The following ANKS3 variants were observed in gnomAD, a reference collection of about 807,000 sequenced individuals.
ANKS3 encodes the protein ankyrin repeat and sterile alpha motif domain containing 3.
ANKS3 carries 62 observed loss-of-function variants against 80.7 expected under a neutral mutation model. The observed-to-expected ratio is 0.77, with a 90% CI of 0.63 to 0.95. The LOEUF (loss-of-function observed/expected upper bound fraction) is 0.95, where lower values mean the gene tolerates loss of function less well. ANKS3 is among the 40% of genes least tolerant of loss of function. The probability of loss-of-function intolerance (pLI) is 0.00; values close to 1 mark genes in which losing one functional copy is unlikely to be tolerated. For missense variants in ANKS3, 1,150 were observed against 883.6 expected (o/e 1.30, Z -3.82); for synonymous variants, 489 against 355.3 (o/e 1.38, Z -4.23).
In ANKS3 at chr16:4,700,589, G is replaced by A. The variant is rs376607849; in HGVS notation, c.1284+381C>T. 1.4e-4 allele frequency: 50 copies of A among 366,828 alleles called. No homozygotes were observed. In the Admixed American group the frequency reaches 1.7e-3, roughly 13 times the overall value. The allele number at this position is 366,828 out of a possible 1,614,324, so 22.7% of individuals were successfully genotyped here. On this transcript the variant is annotated intron_variant, in intron 11 of 17. Transcript: ENST00000304283. ...GTCAGAGGGACCACAGAAAGGAGGA[G>A]GATGGTGGCAGCTGTAACCATCACC...
At chr16:4,731,286 TTA>T (rs1265692123) in intron 2 of ANKS3, among the ~76,000 whole-genome samples, 1 of 152,120 alleles carries the variant, frequency 6.6e-6, no homozygotes, top group East Asian at 1.9e-4. Flanking sequence ...TATGTAAATT[TTA>T]TTTATTTTTT....
chr16:4,730,002 C>T lies in ANKS3; in HGVS notation c.148G>A (p.Val50Met). The change falls in exon 3 of 18, where the codon GTG (valine) becomes ATG (methionine). Residue 50 changes from valine to methionine, a missense_variant. Coordinates refer to ENST00000304283, the MANE Select transcript of ANKS3 (RefSeq NM_133450.4). ...TACCGCTGCACACACTCCTTCACCA[C>T]TTCATACTGGCCAATGGAAGCAGCT... Reference protein sequence around the residue: ...HTAASIGQYEVVKECVQRREL... With the variant: ...HTAASIGQYEMVKECVQRREL... 4 of 1,550,808 alleles carry T rather than the reference C, an allele frequency of 2.6e-6. No homozygotes were observed. The highest frequency in any genetic ancestry group is 3.5e-6 in the Non-Finnish European group (4 of 1,141,720).
rs770842141 is a variant in ANKS3 at position 4,730,863 on chromosome 16, CA to C, written c.-3+648del. On this transcript the variant is annotated intron_variant, in intron 2 of 17. Transcript: ENST00000304283. ...CAAGACTTTGTCTCCAAAAACAAAA[CA>C]AAAAAAAAAAACAACAAAAAAGCAG... Among the ~76,000 whole-genome samples, 1,082 of 144,010 alleles carry C rather than the reference CA, an allele frequency of 7.5e-3. 17 individuals are homozygous for C. The highest frequency in any genetic ancestry group is 0.026 in the African/African-American group (1,009 of 38,790). The allele number at this position is 144,010 out of a possible 152,430, so 94.5% of individuals were successfully genotyped here. A position where few individuals can be genotyped will look rare whatever the true frequency, so the allele number is the denominator to read the frequency against.
At chr16:4,722,721 C>G (rs995112259) in intron 6 of ANKS3, among the ~76,000 whole-genome samples, 6 of 151,734 alleles carry the variant, frequency 4.0e-5, no homozygotes, top group Non-Finnish European at 5.9e-5. Flanking sequence ...AGTTCAAGAG[C>G]AGCCTGGGCA....
intron 6 of ANKS3, among the ~76,000 whole-genome samples, chr16:4,716,360 C>CAAAAAAA (rs1162795772): frequency 2.0e-5 from 1 of 48,826 alleles, no homozygotes. Flanking sequence ...GACTCCAACT[C>CAAAAAAA]AAAAAAAAAA....
At chr16:4,730,373 G>A (rs1226016793) in intron 2 of ANKS3, 7 of 386,866 alleles carry the variant, frequency 1.8e-5, no homozygotes, top group Non-Finnish European at 3.2e-5. Context: ...CCAGTAAAGA[G>A]GAGCACATAT....
In ANKS3 at chr16:4,696,869, G is replaced by T; in HGVS notation, c.*39C>A. 1.4e-6 allele frequency: 1 copy of T among 740,644 alleles called. No individual in the cohort carries two copies. Among genetic ancestry groups the T allele is most frequent in the Non-Finnish European group, 2.3e-6 (1 of 440,082 alleles). The allele number at this position is 740,644 out of a possible 1,614,324, so 45.9% of individuals were successfully genotyped here. A position where few individuals can be genotyped will look rare whatever the true frequency, so the allele number is the denominator to read the frequency against. ...CCTCACTCCCTGGCACACAGCTTCA[G>T]GGTGGACCAATCACCCAACGTCAGA... On this transcript the variant is annotated 3_prime_UTR_variant, in exon 18 of 18. Coordinates refer to ENST00000304283, the MANE Select transcript of ANKS3 (RefSeq NM_133450.4).
At position 4,705,272 on chromosome 16, in the gene ANKS3, A is replaced by T. The variant is rs2080123183; in HGVS notation, c.710-19T>A. 6.2e-7 allele frequency: 1 copy of T among 1,613,040 alleles called. No individual in the cohort carries two copies. The highest frequency in any genetic ancestry group is 8.5e-7 in the Non-Finnish European group (1 of 1,179,546). On this transcript the variant is annotated intron_variant, in intron 7 of 17. Coordinates refer to ENST00000304283, the MANE Select transcript of ANKS3 (RefSeq NM_133450.4). ...TACTTTTCTGTGATCAAACACCAAG[A>T]TTAAGATAGTGTGTTCAGTAATGGA...
In ANKS3 at chr16:4,730,527, G is replaced by C. The variant is rs990208971; in HGVS notation, c.-2-376C>G. 2.0e-5 allele frequency among the ~76,000 whole-genome samples: 3 copies of C among 152,146 alleles called. No individual in the cohort carries two copies. In the South Asian group the frequency reaches 6.2e-4, roughly 31 times the overall value. On this transcript the variant is annotated intron_variant, in intron 2 of 17. Transcript: ENST00000304283. ...CTAATTGGGTTGTTTAACCCAATCA[G>C]TTCCTTGATGTGGTGGGGAAGAACC... is the stretch of plus-strand genomic sequence containing the variant.
chr16:4,698,381 G>A (rs768697604), intron 14 of ANKS3, 46 bp downstream of exon 14: 14 of 1,441,232 alleles, frequency 9.7e-6, no homozygotes, highest in Middle Eastern at 2.0e-4. Context: ...GGGGCCAGGT[G>A]GCTGACCACT....
intron 4 of ANKS3, 40 bp from the exon 5 acceptor site, chr16:4,726,820 C>G (rs2081377391): frequency 6.2e-7 from 1 of 1,604,900 alleles, no homozygotes; most frequent in Non-Finnish European, 8.5e-7. Context: ...GCCTCATCTC[C>G]TCTGCGTGGG....
intron 7 of ANKS3, among the ~76,000 whole-genome samples, chr16:4,709,266 C>T (rs1415805469): frequency 3.3e-5 from 5 of 151,246 alleles, no homozygotes; most frequent in Middle Eastern, 3.2e-3. Flanking sequence ...ATTAGCCAGA[C>T]GTGGTGGCAC....
intron 11 of ANKS3, chr16:4,700,533 G>A (rs1043781159): frequency 3.0e-6 from 1 of 333,094 alleles, no homozygotes; most frequent in Non-Finnish European, 5.9e-6. Flanking sequence ...TGAGCTGTGA[G>A]TCACACCTCT....
intron 3 of ANKS3, among the ~76,000 whole-genome samples, chr16:4,729,149 C>G (rs2081500650): frequency 6.6e-6 from 1 of 152,188 alleles, no homozygotes; most frequent in South Asian, 2.1e-4. Flanking sequence ...GGGCAAGACG[C>G]AGCCATGGAC....
chr16:4,699,172 A>T lies in ANKS3; in HGVS notation c.1289T>A (p.Leu430His). 2 of 1,613,986 alleles carry T rather than the reference A, an allele frequency of 1.2e-6. No individual in the cohort carries two copies. Among genetic ancestry groups the T allele is most frequent in the Non-Finnish European group, 1.7e-6 (2 of 1,179,994 alleles). The change falls in exon 12 of 18, where the codon CTT becomes CAT. Residue 430 changes from leucine to histidine, a missense_variant. By Grantham distance (99) the Leu-to-His change is moderately conservative (BLOSUM62 -3). Coordinates refer to ENST00000304283, the MANE Select transcript of ANKS3 (RefSeq NM_133450.4). ...CCCGATCTGCTCCAGCAGTGCGGCA[A>T]GGTCCTGGCAGGCACAGGGGACAGG... ...QRAPYSGPQD[L>H]AALLEQIGCL...
chr16:4,696,851 C>T lies in ANKS3; in HGVS notation c.*57G>A. 1.5e-6 allele frequency: 1 copy of T among 684,886 alleles called. No homozygotes were observed. Among genetic ancestry groups the T allele is most frequent in the Non-Finnish European group, 2.5e-6 (1 of 396,884 alleles). 42.4% of individuals were successfully genotyped at this position (684,886 alleles called of 1,614,324 possible). A position where few individuals can be genotyped will look rare whatever the true frequency, so the allele number is the denominator to read the frequency against. On this transcript the variant is annotated 3_prime_UTR_variant, in exon 18 of 18. Transcript: ENST00000304283. ...CTACCTGCTCACTGTCCTCCTCACT[C>T]CCTGGCACACAGCTTCAGGGTGGAC...
At chr16:4,713,784 G>A (rs1260195655) in intron 7 of ANKS3, among the ~76,000 whole-genome samples, 4 of 152,148 alleles carry the variant, frequency 2.6e-5, no homozygotes, top group Admixed American at 2.6e-4. Flanking sequence ...AACTAAGAGG[G>A]GCCTGCCCCT....
At chr16:4,716,109 G>A (rs901365185) in intron 6 of ANKS3, among the ~76,000 whole-genome samples, 1 of 151,974 alleles carries the variant, frequency 6.6e-6, no homozygotes, top group Non-Finnish European at 1.5e-5. Flanking sequence ...TGTAATCCCA[G>A]CACTTTGGGA....
chr16:4,702,361 C>A, intron 8 of ANKS3, 119 bp from the exon 9 acceptor site: 5 of 1,083,592 alleles, frequency 4.6e-6, no homozygotes, highest in Non-Finnish European at 1.2e-6. Flanking sequence ...CTTGCCCCTG[C>A]GACCTGGCAT....
Sources: gnomAD v4.1 joint callset for allele counts (sites outside exome capture counted in the v4.1 genomes callset) on GRCh38, gnomAD v4.1.1 for gene constraint, MANE v1.5 for transcripts, NCBI Gene and HGNC (gene_info 2026-07-23, HGNC 2026-07-21) for gene names.